Variants in MAGI2 observed in about 807,000 individuals in gnomAD.
The protein encoded by MAGI2 is membrane associated guanylate kinase, WW and PDZ domain containing 2.
MAGI2 carries 35 observed loss-of-function variants against 133.3 expected under a neutral mutation model. That is an observed-to-expected ratio of 0.26 (90% confidence interval 0.20 to 0.35). The LOEUF (loss-of-function observed/expected upper bound fraction) is 0.35. Ranked by LOEUF, MAGI2 falls within the 10% of genes least tolerant of loss-of-function variation. The pLI, the probability that MAGI2 is intolerant of heterozygous loss-of-function variation, is 1.00. For missense variants in MAGI2, 1,636 were observed against 1,863.4 expected, an observed-to-expected ratio of 0.88 and a Z score of 2.25; for synonymous variants, 729 against 710.6, an observed-to-expected ratio of 1.03 and a Z score of -0.41.
At chr7:78,255,194 C>T (rs1792841818) in intron 10 of MAGI2, 1 of 152,506 alleles carries the variant, frequency 6.6e-6, no homozygotes, top group Admixed American at 6.6e-5. Flanking sequence ...CCCTTCCCCA[C>T]AGAAAAGGTA....
At chr7:78,906,409 T>C (rs955098193) in intron 2 of MAGI2, among the ~76,000 whole-genome samples, 4 of 152,224 alleles carry the variant, frequency 2.6e-5, no homozygotes, top group Non-Finnish European at 4.4e-5. Context: ...GTAGTTGAGG[T>C]CTCTCGTCTA....
At chr7:78,363,297 T>C (rs1177054995) in intron 7 of MAGI2, among the ~76,000 whole-genome samples, 1 of 152,016 alleles carries the variant, frequency 6.6e-6, no homozygotes, top group Non-Finnish European at 1.5e-5. Flanking sequence ...ATTGAGACCA[T>C]CCTGGTTAAC....
At chr7:79,329,095 G>A (rs1161705656) in intron 1 of MAGI2, among the ~76,000 whole-genome samples, 2 of 152,132 alleles carry the variant, frequency 1.3e-5, no homozygotes, top group Non-Finnish European at 2.9e-5. Flanking sequence ...ATATAATCCA[G>A]GGCTATTCTC....
chr7:78,741,504 G>A (rs1229223724), intron 2 of MAGI2, among the ~76,000 whole-genome samples: 2 of 150,764 alleles, frequency 1.3e-5, no homozygotes, highest in East Asian at 3.9e-4. Flanking sequence ...ATGACATTGA[G>A]GGATTCTGAT....
At chr7:79,312,350 C>T (rs889739394) in intron 1 of MAGI2, among the ~76,000 whole-genome samples, 2 of 152,114 alleles carry the variant, frequency 1.3e-5, no homozygotes, top group African/African-American at 4.8e-5. Context: ...ACAACACTGG[C>T]CTCCATGCTA....
chr7:79,199,897 G>T lies in MAGI2; in HGVS notation c.302-192691C>A, dbSNP rs915168047. 2.6e-5 allele frequency among the ~76,000 whole-genome samples: 4 copies of T among 151,792 alleles called. 1 individual carries two copies. The highest frequency in any genetic ancestry group is 9.7e-5 in the African/African-American group (4 of 41,194). On this transcript the variant is annotated intron_variant, in intron 1 of 21. Coordinates refer to ENST00000354212, the MANE Select transcript of MAGI2 (RefSeq NM_012301.4). ...CTCTGGGGTGACTGTGTACATTTCA[G>T]GGAGATTTCTATGTTACACAGCCTA...
intron 2 of MAGI2, among the ~76,000 whole-genome samples, chr7:78,985,428 G>T (rs1805167046): frequency 6.6e-6 from 1 of 151,966 alleles, no homozygotes; most frequent in South Asian, 2.1e-4. Flanking sequence ...CATCTTAAAA[G>T]AAAATATTTA....
chr7:78,462,108 A>G (rs952530201), intron 6 of MAGI2, among the ~76,000 whole-genome samples: 1 of 152,146 alleles, frequency 6.6e-6, no homozygotes, highest in Admixed American at 6.5e-5. Flanking sequence ...ACTCTTATTT[A>G]AAACTCAATT....
chr7:79,431,710 T>C (rs1006445316), intron 1 of MAGI2, among the ~76,000 whole-genome samples: 1 of 152,160 alleles, frequency 6.6e-6, no homozygotes, highest in Non-Finnish European at 1.5e-5. Context: ...TATCAGAAAA[T>C]TTGAAGCTTT....
At chr7:79,429,193 T>C (rs911801843) in intron 1 of MAGI2, among the ~76,000 whole-genome samples, 2 of 152,218 alleles carry the variant, frequency 1.3e-5, no homozygotes, top group Non-Finnish European at 2.9e-5. Flanking sequence ...CTTTTCCATT[T>C]ATTTGAATAA....
At chr7:78,905,025 CT>C (rs1166376376) in intron 2 of MAGI2, among the ~76,000 whole-genome samples, 1 of 152,138 alleles carries the variant, frequency 6.6e-6, no homozygotes, top group Non-Finnish European at 1.5e-5. Context: ...TAGGTATTAT[CT>C]TTCTTTTCTG....
At chr7:78,104,756 G>A (rs1818516680) in intron 20 of MAGI2, among the ~76,000 whole-genome samples, 1 of 152,114 alleles carries the variant, frequency 6.6e-6, no homozygotes, top group South Asian at 2.1e-4. Context: ...ACACCATGAA[G>A]CCTTCACGGA....
chr7:78,097,298 C>T (rs1488510988), intron 20 of MAGI2, among the ~76,000 whole-genome samples: 1 of 152,152 alleles, frequency 6.6e-6, no homozygotes, highest in African/African-American at 2.4e-5. Flanking sequence ...TTTGACCCAG[C>T]AATCCCATTA....
At chr7:78,555,471 T>C (rs1280024067) in intron 3 of MAGI2, among the ~76,000 whole-genome samples, 1 of 152,166 alleles carries the variant, frequency 6.6e-6, no homozygotes, top group Non-Finnish European at 1.5e-5. Context: ...CTGCAAAAGT[T>C]TGTGGGCATA....
intron 2 of MAGI2, among the ~76,000 whole-genome samples, chr7:78,984,595 C>G (rs1281251883): frequency 6.6e-6 from 1 of 151,878 alleles, no homozygotes; most frequent in Non-Finnish European, 1.5e-5. Flanking sequence ...ATAATCACAG[C>G]TTTTGTTGTC....
At position 78,547,087 on chromosome 7, in the gene MAGI2, A is replaced by G. The variant is rs148653224; in HGVS notation, c.539-25442T>C. ...TTTAAGCAAAATGACATTTAATGAAACCAATTTTACTACAGGCTAATGGAT... is the reference window on the plus strand; with the variant it reads ...TTTAAGCAAAATGACATTTAATGAAGCCAATTTTACTACAGGCTAATGGAT... On this transcript the variant is annotated intron_variant, in intron 3 of 21. Transcript: ENST00000354212. Among the ~76,000 whole-genome samples, 1,049 of 152,290 alleles carry G rather than the reference A, an allele frequency of 6.9e-3. 9 individuals are homozygous for G. Among genetic ancestry groups the G allele is most frequent in the African/African-American group, 0.024 (995 of 41,556 alleles).
intron 6 of MAGI2, among the ~76,000 whole-genome samples, chr7:78,457,947 G>A (rs1041323419): frequency 6.6e-6 from 1 of 152,088 alleles, no homozygotes; most frequent in Admixed American, 6.5e-5. Flanking sequence ...ACAAACTTAA[G>A]AAATTATTTT....
chr7:78,799,649 G>C (rs1309524252), intron 2 of MAGI2, among the ~76,000 whole-genome samples: 1 of 152,066 alleles, frequency 6.6e-6, no homozygotes, highest in Admixed American at 6.6e-5. Context: ...TGCTTCTTAT[G>C]TCAAGGCACC....
chr7:78,321,834 A>C (rs1462216539), intron 9 of MAGI2, among the ~76,000 whole-genome samples: 2 of 152,228 alleles, frequency 1.3e-5, no homozygotes, highest in African/African-American at 4.8e-5. Flanking sequence ...TGAACAAGCA[A>C]CCTACAGAAT....
Sources: gnomAD v4.1 joint callset for allele counts (sites outside exome capture counted in the v4.1 genomes callset) on GRCh38, gnomAD v4.1.1 for gene constraint, MANE v1.5 for transcripts, NCBI Gene and HGNC (gene_info 2026-07-23, HGNC 2026-07-21) for gene names.